Variants in MAP4K3 observed in about 807,000 individuals in gnomAD.
MAP4K3 encodes the protein mitogen-activated protein kinase kinase kinase kinase 3.
MAP4K3 carries 94 observed loss-of-function variants against 143.5 expected under a neutral mutation model. The ratio of observed to expected loss-of-function variants is 0.65; its 90% CI spans 0.55 to 0.78. The LOEUF is 0.78. MAP4K3 is among the 30% of genes least tolerant of loss of function. The probability of loss-of-function intolerance (pLI) is 0.00; values close to 1 mark genes in which losing one functional copy is unlikely to be tolerated. For missense variants in MAP4K3, 1,077 were observed against 1,068.1 expected (o/e 1.01, Z -0.12); for synonymous variants, 416 against 347.2 (o/e 1.20, Z -2.20).
rs767436250 is a variant in MAP4K3, at chr2:39,410,088, G to A, written c.96+26804C>T. 6.6e-5 allele frequency among the ~76,000 whole-genome samples: 10 copies of A among 152,172 alleles called. No homozygotes were observed. The East Asian group carries it at 1.3e-3, about 20-fold the overall frequency. ...TCCTTTACGTTTTTCTGACTACAGC[G>A]AAGAAGTAACTTTGGTTAATCTCTT... On this transcript the variant is annotated intron_variant, in intron 1 of 33. Transcript: ENST00000263881.
intron 2 of MAP4K3, among the ~76,000 whole-genome samples, chr2:39,367,649 T>C (rs550420577): frequency 1.3e-5 from 2 of 152,108 alleles, no homozygotes; most frequent in Non-Finnish European, 2.9e-5. Flanking sequence ...TGGAAGCCTG[T>C]AGTCCCAGAT....
chr2:39,352,031 CTTA>C (rs1269272970), intron 3 of MAP4K3, among the ~76,000 whole-genome samples: 1 of 152,150 alleles, frequency 6.6e-6, no homozygotes, highest in Non-Finnish European at 1.5e-5. Flanking sequence ...CTTCTACTGG[CTTA>C]TTGTTTAAGG....
At chr2:39,357,733 T>C (rs1446322114) in intron 2 of MAP4K3, among the ~76,000 whole-genome samples, 1 of 152,224 alleles carries the variant, frequency 6.6e-6, no homozygotes, top group East Asian at 1.9e-4. Context: ...TTCTGTATAT[T>C]AGAAGAAAAC....
Position 39,345,736 on chromosome 2 carries a change from G to A in MAP4K3, c.246-2284C>T, listed in dbSNP as rs375632381. On this transcript the variant is annotated intron_variant, in intron 3 of 33. Transcript: ENST00000263881. ...AGATCGAGACCATCCTGGCTAACACGGTGAAACCACGTCTCTACTAAAAAT... is the reference window on the plus strand; with the variant it reads ...AGATCGAGACCATCCTGGCTAACACAGTGAAACCACGTCTCTACTAAAAAT... Among the ~76,000 whole-genome samples, 16 of 151,906 alleles carry A rather than the reference G, an allele frequency of 1.1e-4. No individual in the cohort carries two copies. The East Asian group carries it at 2.7e-3, about 26-fold the overall frequency.
At chr2:39,358,803 C>T (rs774801578) in intron 2 of MAP4K3, among the ~76,000 whole-genome samples, 13 of 152,140 alleles carry the variant, frequency 8.5e-5, no homozygotes, top group Non-Finnish European at 1.3e-4. Context: ...CCTCCTATCA[C>T]GAGTAGAGCA....
intron 2 of MAP4K3, among the ~76,000 whole-genome samples, chr2:39,370,265 G>A (rs1051171548): frequency 6.6e-6 from 1 of 152,162 alleles, no homozygotes; most frequent in Non-Finnish European, 1.5e-5. Flanking sequence ...GAGTGACTAA[G>A]CTATCCATGA....
intron 28 of MAP4K3, among the ~76,000 whole-genome samples, chr2:39,262,594 T>C (rs1347350630): frequency 6.6e-6 from 1 of 152,220 alleles, no homozygotes; most frequent in African/African-American, 2.4e-5. Context: ...TGATTACTTC[T>C]ACATTGCTTC....
intron 12 of MAP4K3, among the ~76,000 whole-genome samples, chr2:39,320,333 A>G (rs1683260127): frequency 6.6e-6 from 1 of 152,210 alleles, no homozygotes; most frequent in Admixed American, 6.5e-5. Flanking sequence ...AAATAATGCT[A>G]AAGGCATTAA....
At chr2:39,353,125 A>T (rs139706192) in intron 3 of MAP4K3, among the ~76,000 whole-genome samples, 1 of 152,354 alleles carries the variant, frequency 6.6e-6, no homozygotes, top group Non-Finnish European at 1.5e-5. Context: ...ATTAAATCCC[A>T]GTGCCACTAA....
intron 14 of MAP4K3, 150 bp downstream of exon 14, chr2:39,309,311 G>A (rs1192583950): frequency 2.0e-5 from 11 of 552,754 alleles, no homozygotes; most frequent in Non-Finnish European, 3.1e-5. Flanking sequence ...TTTTTGTAGA[G>A]ACAGGGTCTT....
intron 24 of MAP4K3, among the ~76,000 whole-genome samples, chr2:39,277,216 T>C (rs1681299175): frequency 6.6e-6 from 1 of 152,212 alleles, no homozygotes; most frequent in Non-Finnish European, 1.5e-5. Flanking sequence ...CCCAGCTCCA[T>C]CTATTGTTAC....
At chr2:39,299,908 C>T in intron 15 of MAP4K3, 107 bp from the exon 16 acceptor site, 1 of 416,612 alleles carries the variant, frequency 2.4e-6, no homozygotes. Context: ...CCCAGACCCC[C>T]AAATAAATCT....
intron 2 of MAP4K3, among the ~76,000 whole-genome samples, chr2:39,370,798 C>T (rs1666059963): frequency 1.3e-5 from 2 of 152,134 alleles, no homozygotes; most frequent in African/African-American, 4.8e-5. Flanking sequence ...TATCTATCTG[C>T]ATTTGTATCA....
chr2:39,286,697 T>C (rs1681791700), intron 21 of MAP4K3, among the ~76,000 whole-genome samples, 155 bp downstream of exon 21: 1 of 152,188 alleles, frequency 6.6e-6, no homozygotes, highest in Admixed American at 6.5e-5. Flanking sequence ...AAGATTTAAA[T>C]AATCTATTCA....
intron 1 of MAP4K3, among the ~76,000 whole-genome samples, chr2:39,379,184 ATTC>A (rs1666297092): frequency 6.6e-6 from 1 of 152,106 alleles, no homozygotes; most frequent in Non-Finnish European, 1.5e-5. Context: ...TAACAGTGGA[ATTC>A]TTCTAAGAAT....
intron 1 of MAP4K3, among the ~76,000 whole-genome samples, chr2:39,381,916 A>T (rs1181294066): frequency 6.6e-6 from 1 of 152,094 alleles, no homozygotes; most frequent in Non-Finnish European, 1.5e-5. Flanking sequence ...CCCTGGTCTC[A>T]CACCTTATTT....
chr2:39,298,384 A>G (rs1257040704), intron 16 of MAP4K3, among the ~76,000 whole-genome samples: 1 of 152,154 alleles, frequency 6.6e-6, no homozygotes, highest in Non-Finnish European at 1.5e-5. Flanking sequence ...AAAGCTAATA[A>G]TATTTTTAAA....
intron 29 of MAP4K3, 91 bp from the exon 30 acceptor site, chr2:39,258,678 T>C (rs1412012033): frequency 2.2e-6 from 2 of 916,964 alleles, no homozygotes; most frequent in Non-Finnish European, 3.6e-6. Flanking sequence ...AGGATAACAA[T>C]ACTTGAAACG....
chr2:39,265,352 A>G (rs770043744), intron 27 of MAP4K3, 46 bp from the exon 28 acceptor site: 7 of 1,127,458 alleles, frequency 6.2e-6, no homozygotes, highest in Non-Finnish European at 9.4e-6. Flanking sequence ...AAACAAAGTC[A>G]TTATGACAAT....
Sources: allele counts gnomAD v4.1 joint callset (sites outside exome capture counted in the v4.1 genomes callset), GRCh38; gene constraint gnomAD v4.1.1; transcripts MANE v1.5; gene names NCBI Gene and HGNC (gene_info 2026-07-23, HGNC 2026-07-21).